ADAMTS20: variants seen among roughly 807,000 people sequenced by gnomAD.
The protein encoded by ADAMTS20 is A disintegrin and metalloproteinase with thrombospondin motifs 20.
A neutral mutation model predicts 260.1 loss-of-function variants in ADAMTS20; 225 were observed. The observed-to-expected ratio is 0.87, with a 90% CI of 0.78 to 0.97. The LOEUF (loss-of-function observed/expected upper bound fraction) is 0.97, where lower values mean the gene tolerates loss of function less well. Among genes scored for constraint, ADAMTS20 ranks in the 50% least tolerant of loss-of-function variants. The pLI is 0.00. For missense variants in ADAMTS20, 2,400 were observed against 2,337.7 expected (o/e 1.03, Z -0.55); for synonymous variants, 802 against 769.5 (o/e 1.04, Z -0.70).
intron 7 of ADAMTS20, among the ~76,000 whole-genome samples, chr12:43,476,972 G>A (rs551967525): frequency 1.6e-4 from 20 of 125,294 alleles, no homozygotes; most frequent in African/African-American, 6.3e-4. Flanking sequence ...ATGTGCACAT[G>A]TACCCTAAAA....
downstream of ADAMTS20, chr12:43,353,739 A>G (rs1939683994): frequency 6.6e-6 from 1 of 152,128 alleles, no homozygotes; most frequent in African/African-American, 2.4e-5. Context: ...TTGATTTGCT[A>G]TTTGTCGGAA....
chr12:43,509,722 G>A (rs1327846102), intron 3 of ADAMTS20, among the ~76,000 whole-genome samples: 5 of 152,064 alleles, frequency 3.3e-5, no homozygotes, highest in Non-Finnish European at 4.4e-5. Flanking sequence ...GTGAAATTAT[G>A]TGGTTGCATT....
At chr12:43,545,430 T>C (rs1347466447) in intron 2 of ADAMTS20, among the ~76,000 whole-genome samples, 3 of 152,208 alleles carry the variant, frequency 2.0e-5, no homozygotes, top group Non-Finnish European at 4.4e-5. Flanking sequence ...TCCATTTTTA[T>C]TCATTCCTCA....
chr12:43,452,429 T>C lies in ADAMTS20; in HGVS notation c.1943-19A>G. The C allele has an allele frequency of 6.2e-7, 1 of 1,605,444 alleles. No individual in the cohort carries two copies. ...GTGCCAACTGTAAAAAAGAAAAAGG[T>C]CAAATTTTTAATGTATAATAATAAA... On this transcript the variant is annotated intron_variant, in intron 13 of 38. Transcript: ENST00000389420.
intron 28 of ADAMTS20, among the ~76,000 whole-genome samples, chr12:43,406,320 T>A (rs1224013657): frequency 6.6e-6 from 1 of 152,140 alleles, no homozygotes; most frequent in Non-Finnish European, 1.5e-5. Context: ...TTTATCTCTT[T>A]TCAAAATTAA....
intron 3 of ADAMTS20, among the ~76,000 whole-genome samples, chr12:43,521,342 T>A (rs1024805517): frequency 3.9e-5 from 6 of 152,202 alleles, no homozygotes; most frequent in Non-Finnish European, 8.8e-5. Flanking sequence ...TTTAAAGGAA[T>A]GGGAAATAAT....
chr12:43,478,795 TAAATCAGGAAAAAACTGAAACCTATG>T (rs1359314995), intron 7 of ADAMTS20, among the ~76,000 whole-genome samples: 3 of 152,196 alleles, frequency 2.0e-5, no homozygotes, highest in Admixed American at 6.5e-5. Flanking sequence ...ATTTGCCTGT[TAAATCAGGAAAAAACTGAAACCTATG>T]AGTTATTTTA....
intron 37 of ADAMTS20, among the ~76,000 whole-genome samples, chr12:43,360,411 T>C: frequency 6.6e-6 from 1 of 152,100 alleles, no homozygotes; most frequent in Non-Finnish European, 1.5e-5. Flanking sequence ...ATTGTGCTAC[T>C]GCATACCAGC....
At chr12:43,468,510 G>A in intron 8 of ADAMTS20, 90 bp downstream of exon 8, 1 of 803,616 alleles carries the variant, frequency 1.2e-6, no homozygotes, top group South Asian at 1.6e-5. Flanking sequence ...AGAAACAAAG[G>A]TACTAATTAC....
intron 3 of ADAMTS20, among the ~76,000 whole-genome samples, chr12:43,527,017 G>A (rs1006374317): frequency 1.3e-5 from 2 of 152,160 alleles, no homozygotes; most frequent in Non-Finnish European, 2.9e-5. Flanking sequence ...CATTACAACT[G>A]ATGCCACAGA....
At chr12:43,424,730 T>TGC (rs1225963382) in intron 28 of ADAMTS20, among the ~76,000 whole-genome samples, 2 of 151,968 alleles carry the variant, frequency 1.3e-5, no homozygotes, top group Non-Finnish European at 2.9e-5. Flanking sequence ...AATAATATAA[T>TGC]AGTCCTGATT....
In ADAMTS20 at chr12:43,374,325, C is replaced by T. The variant is rs76745539; in HGVS notation, c.5446+1054G>A. On this transcript the variant is annotated intron_variant, in intron 36 of 38. Coordinates refer to ENST00000389420, the MANE Select transcript of ADAMTS20 (RefSeq NM_025003.5). ...CTGTCTTAATTTTTTTTATTGCTTT[C>T]TATGACTTATGCACCATGCTAGGCA... is the stretch of plus-strand genomic sequence containing the variant. 2.3e-3 allele frequency among the ~76,000 whole-genome samples: 354 copies of T among 151,962 alleles called. 7 individuals carry two copies. The East Asian group carries it at 0.047, about 20-fold the overall frequency.
At chr12:43,520,940 ATCT>A (rs1360131236) in intron 3 of ADAMTS20, among the ~76,000 whole-genome samples, 4 of 152,192 alleles carry the variant, frequency 2.6e-5, no homozygotes, top group African/African-American at 7.2e-5. Flanking sequence ...CTAGATTTTC[ATCT>A]TCTTCGTAAA....
In ADAMTS20 at chr12:43,462,952, T is replaced by C. The variant is rs764058591; in HGVS notation, c.1557A>G (p.Lys519=). The part of the protein sequence containing the change: ...LWCTSTEKLH[K]GCFTQHVPPA... ...GTGGCACGTGTTGAGTGAAACAGCC[T>C]TTGTGAAGCTTTTCTGTGCTTGTGC... The change falls in exon 11 of 39, where the codon AAA becomes AAG. Residue 519 remains lysine, a synonymous_variant. Transcript: ENST00000389420. 8 of 1,609,326 alleles carry C rather than the reference T, an allele frequency of 5.0e-6. No individual in the cohort carries two copies. In the South Asian group the frequency reaches 7.8e-5, roughly 16 times the overall value.
chr12:43,458,993 A>G (rs1361541921), intron 11 of ADAMTS20, among the ~76,000 whole-genome samples: 1 of 152,208 alleles, frequency 6.6e-6, no homozygotes, highest in Non-Finnish European at 1.5e-5. Context: ...ATCACCTGAG[A>G]GCACAGCAGG....
At chr12:43,545,395 C>A (rs1481276855) in intron 2 of ADAMTS20, among the ~76,000 whole-genome samples, 1 of 152,178 alleles carries the variant, frequency 6.6e-6, no homozygotes, top group Admixed American at 6.5e-5. Flanking sequence ...CTGCACAGTC[C>A]ACGAGAAGTC....
chr12:43,405,429 A>G (rs1592051594), intron 28 of ADAMTS20, among the ~76,000 whole-genome samples: 1 of 99,492 alleles, frequency 1.0e-5, no homozygotes, highest in Non-Finnish European at 2.1e-5. Context: ...AATAATAATA[A>G]TAATAATAAT....
At chr12:43,509,503 AAATG>A (rs893541954) in intron 3 of ADAMTS20, among the ~76,000 whole-genome samples, 5 of 150,242 alleles carry the variant, frequency 3.3e-5, no homozygotes, top group African/African-American at 1.2e-4. Context: ...CAGTGTTAAT[AAATG>A]TTGTCACTGT....
chr12:43,459,851 T>C (rs566481536), intron 11 of ADAMTS20, among the ~76,000 whole-genome samples: 1 of 152,222 alleles, frequency 6.6e-6, no homozygotes, highest in African/African-American at 2.4e-5. Flanking sequence ...TAATCCTTAC[T>C]CTTTTTAAAA....
Sources: gnomAD v4.1 joint callset for allele counts (sites outside exome capture counted in the v4.1 genomes callset) on GRCh38, gnomAD v4.1.1 for gene constraint, MANE v1.5 for transcripts, NCBI Gene and HGNC (gene_info 2026-07-23, HGNC 2026-07-21) for gene names.